TEX48: variants seen among roughly 807,000 people sequenced by gnomAD.
TEX48 encodes testis-expressed protein 48.
A neutral mutation model predicts 13.2 loss-of-function variants in TEX48; 10 were observed. The observed-to-expected ratio is 0.75, with a 90% confidence interval of 0.47 to 1.28. The LOEUF is 1.28. Ranked by LOEUF, TEX48 falls within the 50% of genes most tolerant of loss-of-function variation. TEX48 has a pLI of 0.00. For missense variants in TEX48, 116 were observed against 139.4 expected, an observed-to-expected ratio of 0.83 and a Z score of 0.84; for synonymous variants, 45 against 52.3, an observed-to-expected ratio of 0.86 and a Z score of 0.60.
chr9:114,680,123 T>TTTTTTTTTTTTTTTTTTTG (rs1828162657), intron 1 of TEX48, among the ~76,000 whole-genome samples: 1 of 132,056 alleles, frequency 7.6e-6, no homozygotes, highest in East Asian at 2.1e-4. Context: ...CATTGTCCCT[T>TTTTTTTTTTTTTTTTTTTG]TTTTTTTTTT....
At chr9:114,678,686 A>G (rs1828123490) in intron 1 of TEX48, among the ~76,000 whole-genome samples, 2 of 151,774 alleles carry the variant, frequency 1.3e-5, no homozygotes, top group South Asian at 4.2e-4. Flanking sequence ...TCTACTAAAA[A>G]TTAAAATTTA....
chr9:114,668,050 C>T (rs1827874588), intron 4 of TEX48, among the ~76,000 whole-genome samples, 156 bp downstream of exon 4: 1 of 152,104 alleles, frequency 6.6e-6, no homozygotes. Flanking sequence ...CTAGGGTCTC[C>T]CCAGTGTGCT....
intron 1 of TEX48, among the ~76,000 whole-genome samples, chr9:114,674,609 CCTTCCTT>C: frequency 4.2e-5 from 1 of 23,762 alleles, no homozygotes; most frequent in African/African-American, 1.6e-4. Context: ...TTCTTTCCTT[CCTTCCTT>C]CCTTCCTTCC....
At chr9:114,673,732 A>T (rs1435358129) in intron 1 of TEX48, among the ~76,000 whole-genome samples, 1 of 152,176 alleles carries the variant, frequency 6.6e-6, no homozygotes, top group Non-Finnish European at 1.5e-5. Context: ...AAGGAAAATG[A>T]TACCAGATGG....
At chr9:114,676,339 TG>T (rs1351204185) in intron 1 of TEX48, among the ~76,000 whole-genome samples, 2 of 151,820 alleles carry the variant, frequency 1.3e-5, no homozygotes, top group African/African-American at 4.8e-5. Context: ...ATAGTTTTTT[TG>T]TTTTTGTTTT....
intron 4 of TEX48, among the ~76,000 whole-genome samples, chr9:114,667,866 A>G (rs953316435): frequency 1.5e-5 from 2 of 133,984 alleles, no homozygotes; most frequent in African/African-American, 2.9e-5. Flanking sequence ...AGACTGCACC[A>G]CTGCACTCAA....
rs1008515038 is a variant in TEX48 at position 114,666,807 on chromosome 9, C to A, written c.260-61G>T. ...GGCCTTTGAATTGGGCTTTGATGAA[C>A]TGTTTTGGTTGTTTGTATCCATTGC... On this transcript the variant is annotated intron_variant, in intron 4 of 4. Coordinates refer to ENST00000436752, the MANE Select transcript of TEX48 (RefSeq NM_001199233.2). 4 of 863,902 alleles carry A rather than the reference C, an allele frequency of 4.6e-6. No homozygotes were observed. The South Asian group carries it at 6.2e-5, about 13-fold the overall frequency. 53.5% of individuals were successfully genotyped at this position (863,902 alleles called of 1,614,324 possible).
intron 1 of TEX48, 131 bp downstream of exon 1, chr9:114,681,904 C>G (rs1387725468): frequency 1.3e-5 from 2 of 152,236 alleles, no homozygotes; most frequent in African/African-American, 4.8e-5. Flanking sequence ...GAGGTTAGAG[C>G]AAATGAAGGA....
chr9:114,669,733 G>A lies in TEX48; in HGVS notation c.128-1396C>T, dbSNP rs141785506. On this transcript the variant is annotated intron_variant, in intron 3 of 4. Transcript: ENST00000436752. Reference sequence around the variant, plus strand: ...TGGGATTAAAGACATGAACCACCATGCCCAGTCTGGCTAATTTTTTATTAT... The same window carrying A: ...TGGGATTAAAGACATGAACCACCATACCCAGTCTGGCTAATTTTTTATTAT... 2.4e-3 allele frequency among the ~76,000 whole-genome samples: 370 copies of A among 151,954 alleles called. 1 individual carries two copies. The highest frequency in any genetic ancestry group is 8.6e-3 in the African/African-American group (358 of 41,440).
rs765863737 is a variant in TEX48, at chr9:114,666,656, G to T, written c.350C>A (p.Thr117Asn). ...QEHWPFQPCLTGRP is the reference protein window; with the variant it reads ...QEHWPFQPCLNGRP The stretch of plus-strand genomic sequence containing the variant: ...CGGCTAGAATGCTCAGGGCCTCCCA[G>T]TGAGGCATGGCTGGAATGGCCAGTG... Residue 117 changes from threonine to asparagine, a missense_variant, in exon 5 of 5, where the codon ACT becomes AAT. Transcript: ENST00000436752. The T allele has an allele frequency of 3.2e-4, 496 of 1,531,220 alleles. No individual in the cohort carries two copies. Among genetic ancestry groups the T allele is most frequent in the Non-Finnish European group, 4.2e-4 (475 of 1,144,204 alleles). The allele number at this position is 1,531,220 out of a possible 1,614,324, so 94.9% of individuals were successfully genotyped here. A position where few individuals can be genotyped will look rare whatever the true frequency, so the allele number is the denominator to read the frequency against.
intron 1 of TEX48, 125 bp from the exon 2 acceptor site, chr9:114,671,952 C>T: frequency 1.7e-6 from 1 of 582,650 alleles, no homozygotes; most frequent in African/African-American, 1.9e-5. Context: ...GCTCAGGTTT[C>T]AGATAGCTCT....
Position 114,671,438 on chromosome 9 carries a change from G to T in TEX48, c.72C>A (p.Ala24=). 6.5e-7 allele frequency: 1 copy of T among 1,535,450 alleles called. No individual in the cohort carries two copies. Residue 24 remains alanine, a synonymous_variant, in exon 3 of 5, where the codon GCC becomes GCA. Coordinates refer to ENST00000436752, the MANE Select transcript of TEX48 (RefSeq NM_001199233.2). ...LCCRDCQEPY[A]INDSKVPSQT... ...GACTGGGAACCTTGGAGTCATTGAT[G>T]GCATAGGGCTCCTGACAGTCCCTGC...
chr9:114,680,124 T>A (rs1008543517), intron 1 of TEX48, among the ~76,000 whole-genome samples: 1 of 139,748 alleles, frequency 7.2e-6, no homozygotes, highest in South Asian at 2.4e-4. Context: ...ATTGTCCCTT[T>A]TTTTTTTTTT....
Position 114,678,881 on chromosome 9 carries a change from G to C in TEX48, c.-105+3154C>G, listed in dbSNP as rs1032887008. On this transcript the variant is annotated intron_variant, in intron 1 of 4. Transcript: ENST00000436752. ...AAAATTGTTGACCTTCAACAATGGG[G>C]AAAATGTTTAAGAGTAGCAGGATGA... Among the ~76,000 whole-genome samples the C allele has an allele frequency of 2.0e-5, 3 of 151,200 alleles. No individual in the cohort carries two copies. In the South Asian group the frequency reaches 6.3e-4, roughly 32 times the overall value.
At chr9:114,672,850 G>T (rs112546486) in intron 1 of TEX48, among the ~76,000 whole-genome samples, 10,049 of 152,250 alleles carry the variant, frequency 0.066, 422 homozygotes, top group African/African-American at 0.12. Context: ...AGAAATTCTA[G>T]TTCTATAAAA....
intron 1 of TEX48, among the ~76,000 whole-genome samples, chr9:114,675,819 T>C (rs1472602220): frequency 2.0e-5 from 3 of 152,246 alleles, no homozygotes; most frequent in East Asian, 1.9e-4. Flanking sequence ...CCATAAGAGA[T>C]GCTGTATAGG....
chr9:114,673,559 A>G (rs970581737), intron 1 of TEX48, among the ~76,000 whole-genome samples: 2 of 152,026 alleles, frequency 1.3e-5, no homozygotes, highest in Non-Finnish European at 2.9e-5. Context: ...TCTTAAAACA[A>G]CTGGAATAAA....
intron 4 of TEX48, among the ~76,000 whole-genome samples, chr9:114,667,227 G>A (rs76902465): frequency 0.074 from 11,325 of 152,214 alleles, 577 homozygotes; most frequent in African/African-American, 0.14. Context: ...TGTTTTCAAG[G>A]GGGTTTAGTT....
At chr9:114,668,990 C>T (rs1302989503) in intron 3 of TEX48, among the ~76,000 whole-genome samples, 1 of 152,050 alleles carries the variant, frequency 6.6e-6, no homozygotes, top group South Asian at 2.1e-4. Flanking sequence ...GCATGTGTCA[C>T]TGCGCCCAGC....
Sources: gnomAD v4.1 joint callset for allele counts (sites outside exome capture counted in the v4.1 genomes callset) on GRCh38, gnomAD v4.1.1 for gene constraint, MANE v1.5 for transcripts, NCBI Gene and HGNC (gene_info 2026-07-23, HGNC 2026-07-21) for gene names.